TDRD10: variants seen among roughly 807,000 people sequenced by gnomAD.
The protein encoded by TDRD10 is tudor domain containing 10.
In TDRD10, 40 loss-of-function variants were observed where a neutral mutation model predicts 48.0. That is an observed-to-expected ratio of 0.83 (90% CI 0.65 to 1.09). The LOEUF is 1.09. Among genes scored for constraint, TDRD10 ranks in the 50% least tolerant of loss-of-function variants. The pLI is 0.00. For missense variants in TDRD10, 378 were observed against 434.7 expected, an observed-to-expected ratio of 0.87 and a Z score of 1.16; for synonymous variants, 162 against 170.4, an observed-to-expected ratio of 0.95 and a Z score of 0.38.
intron 6 of TDRD10, among the ~76,000 whole-genome samples, chr1:154,537,806 C>T (rs1176196251): frequency 2.0e-5 from 3 of 152,164 alleles, no homozygotes; most frequent in Non-Finnish European, 2.9e-5. Flanking sequence ...CTGGAGCAGG[C>T]GCACCTCTTA....
At chr1:154,517,818 G>A (rs138006479) in intron 4 of TDRD10, among the ~76,000 whole-genome samples, 4 of 152,242 alleles carry the variant, frequency 2.6e-5, no homozygotes, top group East Asian at 3.9e-4. Flanking sequence ...TCAGTGAACC[G>A]GCTTGTACGC....
chr1:154,541,436 A>G (rs1570980389), intron 6 of TDRD10, among the ~76,000 whole-genome samples: 2 of 152,016 alleles, frequency 1.3e-5, no homozygotes, highest in Non-Finnish European at 2.9e-5. Flanking sequence ...AGAGAAGGAA[A>G]GTCAAGGTGC....
At chr1:154,539,953 C>T (rs1439752899) in intron 6 of TDRD10, among the ~76,000 whole-genome samples, 1 of 152,140 alleles carries the variant, frequency 6.6e-6, no homozygotes, top group Non-Finnish European at 1.5e-5. Context: ...GGGAGGCCTG[C>T]AAGTGGCCCA....
At chr1:154,507,492 C>T (rs1391966392) in intron 3 of TDRD10, among the ~76,000 whole-genome samples, 172 bp downstream of exon 3, 1 of 152,072 alleles carries the variant, frequency 6.6e-6, no homozygotes, top group Non-Finnish European at 1.5e-5. Context: ...GTGGATGTGG[C>T]GCCTGCCACT....
intron 5 of TDRD10, 80 bp from the exon 6 acceptor site, chr1:154,521,243 C>T (rs1694035551): frequency 7.0e-7 from 1 of 1,421,480 alleles, no homozygotes; most frequent in Non-Finnish European, 9.7e-7. Context: ...GGCCTTCCAG[C>T]TTGGGCTTGG....
At chr1:154,507,198 G>A (rs748688060) in intron 2 of TDRD10, 43 bp from the exon 3 acceptor site, 1 of 1,613,138 alleles carries the variant, frequency 6.2e-7, no homozygotes, top group Non-Finnish European at 8.5e-7. Flanking sequence ...TTTTGTCGGA[G>A]TCTGAGCTTG....
chr1:154,524,699 G>A (rs567832024), intron 6 of TDRD10, among the ~76,000 whole-genome samples: 19 of 152,120 alleles, frequency 1.2e-4, no homozygotes, highest in Middle Eastern at 3.4e-3. Flanking sequence ...GCTTTTGTAG[G>A]GTCTCAGGTG....
intron 6 of TDRD10, among the ~76,000 whole-genome samples, chr1:154,528,352 T>C (rs550384731): frequency 6.6e-6 from 1 of 152,044 alleles, no homozygotes; most frequent in East Asian, 1.9e-4. Flanking sequence ...GCCTCCCTAG[T>C]AGCTGGGACT....
chr1:154,546,021 C>T (rs1695545692), intron 11 of TDRD10, among the ~76,000 whole-genome samples: 1 of 148,894 alleles, frequency 6.7e-6, no homozygotes, highest in Admixed American at 6.7e-5. Context: ...GATCCGCCCA[C>T]CTCGGCCTCC....
chr1:154,509,730 T>C lies in TDRD10; in HGVS notation c.141+1249T>C, dbSNP rs1693339478. On this transcript the variant is annotated intron_variant, in intron 4 of 12. Coordinates refer to ENST00000368482, the MANE Select transcript of TDRD10 (RefSeq NM_182499.4). The stretch of plus-strand genomic sequence containing the variant: ...AATCATATTCAATCAAAGGGGCAGG[T>C]TGGGGGATTCCTGGCACCTGATAGA... The C allele has an allele frequency of 1.1e-5, 8 of 753,254 alleles. No individual in the cohort carries two copies. The South Asian group carries it at 2.4e-4, about 23-fold the overall frequency. The allele number at this position is 753,254 out of a possible 1,614,324, so 46.7% of individuals were successfully genotyped here.
intron 11 of TDRD10, 108 bp from the exon 12 acceptor site, chr1:154,547,301 T>A: frequency 8.9e-7 from 1 of 1,117,844 alleles, no homozygotes; most frequent in South Asian, 1.4e-5. Context: ...TGGAGCTGGT[T>A]GGCGGCCAGA....
intron 11 of TDRD10, among the ~76,000 whole-genome samples, chr1:154,546,813 A>C (rs1257656113): frequency 6.6e-6 from 1 of 152,230 alleles, no homozygotes; most frequent in Non-Finnish European, 1.5e-5. Context: ...AATACAGCTC[A>C]GAAAAGTGAA....
Position 154,507,275 on chromosome 1 carries a change from A to G in TDRD10, c.37A>G (p.Lys13Glu), listed in dbSNP as rs751522169. Residue 13 changes from lysine to glutamate, a missense_variant, in exon 3 of 13, where the codon AAA (lysine) becomes GAA (glutamate). Lys to Glu is a moderately conservative substitution (Grantham distance 56, BLOSUM62 1). Around this residue, in one of 2 missense-constraint regions of TDRD10, gnomAD observed 310 missense variants for 323.6 expected, o/e 0.96. Coordinates refer to ENST00000368482, the MANE Select transcript of TDRD10 (RefSeq NM_182499.4). ...CATTAGTCACCCCCAACTCTCTGAT[A>G]AACTGTTTGGGAAGAATGGAGTGTT... ...WNISHPQLSD[K>E]LFGKNGVLEE... 1.9e-6 allele frequency: 3 copies of G among 1,614,062 alleles called. No homozygotes were observed. Among genetic ancestry groups the G allele is most frequent in the Admixed American group, 3.3e-5 (2 of 60,010 alleles).
chr1:154,522,685 A>C (rs564615785), intron 6 of TDRD10, among the ~76,000 whole-genome samples: 1 of 56,284 alleles, frequency 1.8e-5, no homozygotes, highest in East Asian at 1.2e-3. Flanking sequence ...TCCCTTTGCT[A>C]ATTTCAAACT....
At chr1:154,515,477 C>T (rs976059606) in intron 4 of TDRD10, among the ~76,000 whole-genome samples, 3 of 152,190 alleles carry the variant, frequency 2.0e-5, no homozygotes, top group African/African-American at 7.2e-5. Context: ...TCCCTGTGCC[C>T]GCCTCACTCC....
At chr1:154,517,316 T>C (rs1471818361) in intron 4 of TDRD10, among the ~76,000 whole-genome samples, 1 of 152,232 alleles carries the variant, frequency 6.6e-6, no homozygotes, top group East Asian at 1.9e-4. Context: ...GCAGTAATTT[T>C]GGCTGTTACA....
Position 154,547,434 on chromosome 1 carries a change from C to G in TDRD10, c.978C>G (p.Val326=). ...ACATTTTGAGTTCGTATGAGGTTGTCCATCGAATCCTCAAAGGGAAAATCA... is the reference window on the plus strand; with the variant it reads ...ACATTTTGAGTTCGTATGAGGTTGTGCATCGAATCCTCAAAGGGAAAATCA... The part of the protein sequence containing the change: ...EKDILSSYEV[V]HRILKGKITG... The change falls in exon 12 of 13, where the codon GTC becomes GTG. Residue 326 remains valine, a synonymous_variant. Transcript: ENST00000368482. 2 of 1,614,204 alleles carry G rather than the reference C, an allele frequency of 1.2e-6. No individual in the cohort carries two copies. Among genetic ancestry groups the G allele is most frequent in the Non-Finnish European group, 1.7e-6 (2 of 1,180,044 alleles).
At chr1:154,511,356 G>A (rs967923158) in intron 4 of TDRD10, among the ~76,000 whole-genome samples, 10 of 151,908 alleles carry the variant, frequency 6.6e-5, no homozygotes, top group South Asian at 2.1e-4. Context: ...AATTCAGGCC[G>A]GGCGTGGTGG....
In TDRD10 at chr1:154,542,080, C is replaced by T. The variant is rs1422490733; in HGVS notation, c.412+14C>T. 2 of 1,613,776 alleles carry T rather than the reference C, an allele frequency of 1.2e-6. No homozygotes were observed. Among genetic ancestry groups the T allele is most frequent in the Non-Finnish European group, 1.7e-6 (2 of 1,179,816 alleles). On this transcript the variant is annotated intron_variant, in intron 7 of 12. Transcript: ENST00000368482. The stretch of plus-strand genomic sequence containing the variant: ...GCAAAACCGCCGGTGAGATTCTGCG[C>T]TGCCATCCTTTCCCAGGATGTGGCT...
Sources: allele counts gnomAD v4.1 joint callset (sites outside exome capture counted in the v4.1 genomes callset), GRCh38; gene constraint gnomAD v4.1.1; regional missense constraint gnomAD v4.1.1; transcripts MANE v1.5; gene names NCBI Gene and HGNC (gene_info 2026-07-23, HGNC 2026-07-21).